The following HNF4G variants were observed in gnomAD, a reference collection of about 807,000 sequenced individuals.
The protein encoded by HNF4G is hepatocyte nuclear factor 4 gamma.
A neutral mutation model predicts 50.9 loss-of-function variants in HNF4G; 21 were observed. The observed-to-expected ratio is 0.41, with a 90% CI of 0.29 to 0.59. The LOEUF (loss-of-function observed/expected upper bound fraction) is 0.59, where lower values mean the gene tolerates loss of function less well. Among genes scored for constraint, HNF4G ranks in the 20% least tolerant of loss-of-function variants. HNF4G has a pLI of 0.26. For missense variants in HNF4G, 527 were observed against 559.4 expected (o/e 0.94, Z 0.58); for synonymous variants, 198 against 185.6 (o/e 1.07, Z -0.54).
rs368151544 is a variant in HNF4G at position 75,456,115 on chromosome 8, A to G, written c.-143-33974A>G. On this transcript the variant is annotated intron_variant, in intron 1 of 10. Coordinates refer to the HNF4G transcript ENST00000354370. The stretch of plus-strand genomic sequence containing the variant: ...TTTGTTCAGAAGTACACAGAATTTT[A>G]TAAACCTGTCCAGAGCTTCATATAT... Among the ~76,000 whole-genome samples, 185 of 152,256 alleles carry G rather than the reference A, an allele frequency of 1.2e-3. 6 individuals carry two copies. The South Asian group carries it at 0.03, about 24-fold the overall frequency.
chr8:75,476,870 T>C (rs1004848705), intron 1 of HNF4G, among the ~76,000 whole-genome samples: 1 of 152,204 alleles, frequency 6.6e-6, no homozygotes, highest in Non-Finnish European at 1.5e-5. Context: ...TCCAGCTGTA[T>C]AGAAGGAAAC....
upstream of HNF4G, among the ~76,000 whole-genome samples, chr8:75,534,945 C>T (rs953667874): frequency 1.3e-5 from 2 of 150,538 alleles, no homozygotes; most frequent in Non-Finnish European, 3.0e-5. Context: ...AGGACAGGAA[C>T]ATGTTTCAAA....
At chr8:75,432,420 G>A (rs756433049) in intron 1 of HNF4G, among the ~76,000 whole-genome samples, 2 of 151,998 alleles carry the variant, frequency 1.3e-5, no homozygotes, top group Non-Finnish European at 2.9e-5. Context: ...GGGTTCAAGC[G>A]ATTCTTGTGC....
intron 5 of HNF4G, 60 bp from the exon 6 acceptor site, chr8:75,555,922 T>G: frequency 1.1e-6 from 1 of 925,270 alleles, no homozygotes; most frequent in Non-Finnish European, 1.6e-6. Flanking sequence ...ACAAGACTCA[T>G]GTCATCTTTT....
chr8:75,432,378 G>A (rs1811035097), intron 1 of HNF4G, among the ~76,000 whole-genome samples: 1 of 152,048 alleles, frequency 6.6e-6, no homozygotes, highest in Non-Finnish European at 1.5e-5. Flanking sequence ...GTGCAGTGGT[G>A]CAATCTTGGC....
rs1190088162 is a variant in HNF4G, at chr8:75,448,428, A to T, written c.-144+40266A>T. On this transcript the variant is annotated intron_variant, in intron 1 of 10. Transcript: ENST00000354370. ...CATGTACCCTAAAACTTAAAGTATA[A>T]AAAAAAAAAAAAAAAAGTGTCAGAC... is the stretch of plus-strand genomic sequence containing the variant. 9.1e-5 allele frequency among the ~76,000 whole-genome samples: 6 copies of T among 66,294 alleles called. No individual in the cohort carries two copies. The East Asian group carries it at 1.8e-3, about 20-fold the overall frequency. 43.5% of individuals were successfully genotyped at this position (66,294 alleles called of 152,430 possible). A position where few individuals can be genotyped will look rare whatever the true frequency, so the allele number is the denominator to read the frequency against.
intron 2 of HNF4G, among the ~76,000 whole-genome samples, chr8:75,545,818 A>T (rs1806762186): frequency 6.6e-6 from 1 of 152,082 alleles, no homozygotes; most frequent in Admixed American, 6.6e-5. Context: ...CTACACCAGG[A>T]TCTTGTATGT....
At chr8:75,449,890 C>T (rs529843815) in intron 1 of HNF4G, among the ~76,000 whole-genome samples, 6 of 152,232 alleles carry the variant, frequency 3.9e-5, no homozygotes, top group Non-Finnish European at 8.8e-5. Flanking sequence ...AAAATCTATT[C>T]TCAGCAATTT....
chr8:75,480,334 T>G (rs1463345048), intron 1 of HNF4G, among the ~76,000 whole-genome samples: 2 of 152,208 alleles, frequency 1.3e-5, no homozygotes, highest in Non-Finnish European at 2.9e-5. Context: ...GTGCCCAAAG[T>G]GTCAAAGCTG....
At chr8:75,463,843 T>C (rs879366851) in intron 1 of HNF4G, among the ~76,000 whole-genome samples, 1 of 151,588 alleles carries the variant, frequency 6.6e-6, no homozygotes, top group Non-Finnish European at 1.5e-5. Context: ...GGCATGATCT[T>C]GGCTCACCAC....
rs1554568593 is a variant in HNF4G at position 75,434,705 on chromosome 8, CAT to C, written c.-144+26545_-144+26546del. Among the ~76,000 whole-genome samples the C allele has an allele frequency of 3.3e-5, 5 of 151,810 alleles. No individual in the cohort carries two copies. In the East Asian group the frequency reaches 5.8e-4, roughly 18 times the overall value. On this transcript the variant is annotated intron_variant, in intron 1 of 10. Transcript: ENST00000354370. ...ACACACACACACACACACACACACA[CAT>C]ACACAAATCAGGTAAGAAAAGTGGG... is the stretch of plus-strand genomic sequence containing the variant.
upstream of HNF4G, among the ~76,000 whole-genome samples, chr8:75,539,123 AT>A (rs1329992242): frequency 6.6e-6 from 1 of 150,528 alleles, no homozygotes; most frequent in South Asian, 2.1e-4. Flanking sequence ...ATAGATGAGG[AT>A]TGATGATAGG....
chr8:75,512,875 T>C (rs570067398), intron 2 of HNF4G, among the ~76,000 whole-genome samples: 1 of 152,356 alleles, frequency 6.6e-6, no homozygotes, highest in Admixed American at 6.5e-5. Context: ...TTGCATTTTA[T>C]TTTTATACAT....
intron 9 of HNF4G, 25 bp downstream of exon 9, chr8:75,560,491 C>A: frequency 3.8e-6 from 6 of 1,591,372 alleles, no homozygotes; most frequent in Non-Finnish European, 5.1e-6. Flanking sequence ...TACTTTTCAA[C>A]CAAGATATTT....
chr8:75,504,360 T>C (rs1007077393), intron 2 of HNF4G, among the ~76,000 whole-genome samples: 1 of 152,092 alleles, frequency 6.6e-6, no homozygotes, highest in Non-Finnish European at 1.5e-5. Context: ...CAAGTGTTTC[T>C]CCCTTTAAAA....
At chr8:75,448,109 A>G (rs2130568019) in intron 1 of HNF4G, among the ~76,000 whole-genome samples, 1 of 109,348 alleles carries the variant, frequency 9.1e-6, no homozygotes, top group African/African-American at 3.6e-5. Context: ...AGCCATAAAA[A>G]ATGATGAGTT....
chr8:75,544,448 C>T (rs1407223540), intron 2 of HNF4G, among the ~76,000 whole-genome samples: 1 of 152,024 alleles, frequency 6.6e-6, no homozygotes, highest in Non-Finnish European at 1.5e-5. Flanking sequence ...GCCATTACAT[C>T]CTAGGTCTAA....
chr8:75,441,246 CTT>C (rs112258720), intron 1 of HNF4G, among the ~76,000 whole-genome samples: 21 of 142,302 alleles, frequency 1.5e-4, no homozygotes, highest in African/African-American at 5.1e-4. Context: ...AAGATTAGAA[CTT>C]TTTTTTTTTT....
chr8:75,517,980 C>CT (rs35972014), intron 2 of HNF4G, among the ~76,000 whole-genome samples: 67,402 of 149,152 alleles, frequency 0.45, 15,742 homozygotes, highest in Middle Eastern at 0.59. Context: ...AACCTCAATT[C>CT]TTTTTTTTTT....
Sources: gnomAD v4.1 joint callset for allele counts (sites outside exome capture counted in the v4.1 genomes callset) on GRCh38, gnomAD v4.1.1 for gene constraint, MANE v1.5 for transcripts, NCBI Gene and HGNC (gene_info 2026-07-23, HGNC 2026-07-21) for gene names.